STPG2: variants seen among roughly 807,000 people sequenced by gnomAD.
The protein encoded by STPG2 is sperm tail PG-rich repeat containing 2, also known as sperm-tail PG-rich repeat-containing protein 2.
In STPG2, 56 loss-of-function variants were observed where a neutral mutation model predicts 54.2. The observed-to-expected ratio is 1.03, with a 90% CI of 0.83 to 1.29. The LOEUF (loss-of-function observed/expected upper bound fraction) is 1.29. Ranked by LOEUF, STPG2 falls within the 50% of genes most tolerant of loss-of-function variation. The pLI is 0.00. For missense variants in STPG2, 596 were observed against 544.9 expected (o/e 1.09, Z -0.93); for synonymous variants, 200 against 181.8 (o/e 1.10, Z -0.81).
intron 5 of STPG2, among the ~76,000 whole-genome samples, chr4:98,009,400 T>G (rs1265193643): frequency 1.3e-5 from 2 of 152,056 alleles, no homozygotes; most frequent in African/African-American, 4.8e-5. Context: ...CCAGTTTTCC[T>G]CCAGTCATTG....
intron 8 of STPG2, among the ~76,000 whole-genome samples, chr4:97,886,343 C>A (rs960511731): frequency 6.6e-6 from 1 of 151,986 alleles, no homozygotes; most frequent in Non-Finnish European, 1.5e-5. Context: ...AGAAAACAGA[C>A]TAACTAACAT....
At chr4:97,664,190 A>G (rs1722455587) in intron 10 of STPG2, among the ~76,000 whole-genome samples, 1 of 152,198 alleles carries the variant, frequency 6.6e-6, no homozygotes, top group Non-Finnish European at 1.5e-5. Context: ...CAAAACCCCA[A>G]AAATGTAGAT....
intron 4 of STPG2, among the ~76,000 whole-genome samples, chr4:97,527,077 G>T (rs1352578989): frequency 6.6e-6 from 1 of 151,296 alleles, no homozygotes; most frequent in South Asian, 2.1e-4. Flanking sequence ...GTATACACAT[G>T]CCATGGCGGT....
At chr4:97,783,014 G>A (rs897613241) in intron 9 of STPG2, among the ~76,000 whole-genome samples, 1 of 152,138 alleles carries the variant, frequency 6.6e-6, no homozygotes, top group African/African-American at 2.4e-5. Context: ...CAGGACATAG[G>A]CATGGGCAAG....
intron 8 of STPG2, among the ~76,000 whole-genome samples, chr4:97,871,627 T>A (rs1729993484): frequency 6.6e-6 from 1 of 151,142 alleles, no homozygotes; most frequent in African/African-American, 2.4e-5. Flanking sequence ...CTAAAAAATG[T>A]CAAATTTTGT....
intron 7 of STPG2, among the ~76,000 whole-genome samples, chr4:97,959,302 C>T (rs185088557): frequency 1.3e-5 from 2 of 152,028 alleles, no homozygotes; most frequent in Non-Finnish European, 2.9e-5. Flanking sequence ...TAAGGTCACA[C>T]CTCAAAGAAC....
chr4:98,142,314 G>C (rs953830394), intron 1 of STPG2, among the ~76,000 whole-genome samples: 1 of 152,050 alleles, frequency 6.6e-6, no homozygotes, highest in Non-Finnish European at 1.5e-5. Context: ...GGAAAATGTA[G>C]GTTAAGAAAA....
chr4:97,657,156 A>G (rs1722239918), intron 10 of STPG2, among the ~76,000 whole-genome samples: 1 of 152,140 alleles, frequency 6.6e-6, no homozygotes, highest in African/African-American at 2.4e-5. Flanking sequence ...GAATAAAATA[A>G]GTGGAATAAA....
At chr4:97,903,499 C>A (rs1008849469) in intron 8 of STPG2, among the ~76,000 whole-genome samples, 2 of 150,652 alleles carry the variant, frequency 1.3e-5, no homozygotes, top group Non-Finnish European at 3.0e-5. Context: ...AAATAATAGA[C>A]AGTGAGTACA....
chr4:97,744,412 T>C (rs1406568251), intron 9 of STPG2, among the ~76,000 whole-genome samples: 2 of 151,380 alleles, frequency 1.3e-5, no homozygotes, highest in Non-Finnish European at 1.5e-5. Flanking sequence ...TCATTACTCA[T>C]GTGTATTCAA....
intron 8 of STPG2, among the ~76,000 whole-genome samples, chr4:97,888,560 A>C (rs1255907311): frequency 6.6e-6 from 1 of 151,762 alleles, no homozygotes; most frequent in East Asian, 1.9e-4. Context: ...TTTAGAACAA[A>C]ATTGTATCTT....
chr4:97,862,202 G>C (rs1400294493), intron 8 of STPG2, among the ~76,000 whole-genome samples: 1 of 151,182 alleles, frequency 6.6e-6, no homozygotes, highest in East Asian at 2.0e-4. Context: ...TTGAGCCTAT[G>C]TGTGTGTGCA....
chr4:97,814,350 A>G (rs1178534242), intron 9 of STPG2, among the ~76,000 whole-genome samples: 5 of 152,034 alleles, frequency 3.3e-5, no homozygotes, highest in Non-Finnish European at 7.4e-5. Flanking sequence ...TTGTTTTGAG[A>G]CAGAGTCTCA....
intron 7 of STPG2, among the ~76,000 whole-genome samples, chr4:97,966,003 G>A (rs1017188645): frequency 1.2e-4 from 19 of 152,178 alleles, no homozygotes; most frequent in African/African-American, 4.3e-4. Flanking sequence ...AAACAAAGCT[G>A]GGTGGAGAAT....
In STPG2 at chr4:97,659,476, T is replaced by C. The variant is rs183840055; in HGVS notation, c.1320+53223A>G. Among the ~76,000 whole-genome samples the C allele has an allele frequency of 2.7e-4, 41 of 152,356 alleles. 1 individual carries two copies. In the East Asian group the frequency reaches 7.7e-3, roughly 29 times the overall value. On this transcript the variant is annotated intron_variant, in intron 10 of 10. Coordinates refer to ENST00000295268, the MANE Select transcript of STPG2 (RefSeq NM_174952.3). The stretch of plus-strand genomic sequence containing the variant: ...TCATAAAAAGAAGCAAAGTAGTCTT[T>C]TATAAGATGACTCTCAGATGGTAGT...
intron 10 of STPG2, among the ~76,000 whole-genome samples, chr4:97,563,417 G>T (rs147905871): frequency 3.3e-5 from 5 of 152,022 alleles, no homozygotes; most frequent in African/African-American, 7.3e-5. Context: ...TTTTTGAAGG[G>T]TTTTTTGTGT....
At chr4:97,965,840 T>G (rs146931227) in intron 7 of STPG2, among the ~76,000 whole-genome samples, 296 of 152,164 alleles carry the variant, frequency 1.9e-3, no homozygotes, top group African/African-American at 7.0e-3. Flanking sequence ...AGAGGACATC[T>G]ATGCCAAAAC....
intron 8 of STPG2, among the ~76,000 whole-genome samples, chr4:97,858,400 ATTATT>A (rs527314841): frequency 2.0e-5 from 3 of 152,150 alleles, no homozygotes; most frequent in Non-Finnish European, 2.9e-5. Context: ...ATGACATATT[ATTATT>A]TTATTTTATT....
chr4:98,133,465 G>T (rs997792909), intron 2 of STPG2, among the ~76,000 whole-genome samples: 40 of 151,984 alleles, frequency 2.6e-4, no homozygotes, highest in Non-Finnish European at 4.7e-4. Context: ...TACCAAGGAG[G>T]CCTTCTTTTA....
Sources: allele counts gnomAD v4.1 joint callset (sites outside exome capture counted in the v4.1 genomes callset), GRCh38; gene constraint gnomAD v4.1.1; transcripts MANE v1.5; gene names NCBI Gene and HGNC (gene_info 2026-07-23, HGNC 2026-07-21).